Variants in SGCZ observed in about 807,000 individuals in gnomAD.
SGCZ encodes the protein sarcoglycan zeta, also known as zeta-sarcoglycan.
In SGCZ, 40 loss-of-function variants were observed where a neutral mutation model predicts 41.3. That is an observed-to-expected ratio of 0.97 (90% CI 0.75 to 1.26). The LOEUF (loss-of-function observed/expected upper bound fraction) is 1.26, where lower values mean the gene tolerates loss of function less well. SGCZ is among the 50% of genes most tolerant of loss of function. The pLI is 0.00. For missense variants in SGCZ, 552 were observed against 369.8 expected, an observed-to-expected ratio of 1.49 and a Z score of -4.04; for synonymous variants, 206 against 137.5, an observed-to-expected ratio of 1.50 and a Z score of -3.49.
intron 1 of SGCZ, among the ~76,000 whole-genome samples, chr8:14,843,381 C>G (rs964687731): frequency 1.1e-4 from 16 of 151,906 alleles, no homozygotes; most frequent in African/African-American, 3.4e-4. Context: ...CTAGTGAAAT[C>G]AACACAGGCC....
intron 1 of SGCZ, among the ~76,000 whole-genome samples, chr8:15,181,416 A>T (rs187293576): frequency 6.6e-6 from 1 of 152,290 alleles, no homozygotes; most frequent in East Asian, 1.9e-4. Flanking sequence ...ATACCCAAAT[A>T]AAATAGCATG....
At chr8:14,116,367 G>C (rs1421844327) in intron 5 of SGCZ, among the ~76,000 whole-genome samples, 1 of 151,972 alleles carries the variant, frequency 6.6e-6, no homozygotes, top group East Asian at 1.9e-4. Context: ...AGATATCTAA[G>C]AGACTTTAAA....
chr8:14,191,390 C>T (rs1030307187), intron 4 of SGCZ, among the ~76,000 whole-genome samples: 8 of 152,124 alleles, frequency 5.3e-5, no homozygotes, highest in South Asian at 2.1e-4. Flanking sequence ...ATGACACTAT[C>T]CAAAAAATCA....
At chr8:15,052,846 G>T (rs1044438592) in intron 1 of SGCZ, among the ~76,000 whole-genome samples, 5 of 152,012 alleles carry the variant, frequency 3.3e-5, no homozygotes, top group African/African-American at 1.2e-4. Context: ...AAGGATAATG[G>T]CTTCCACTGA....
At chr8:14,769,026 T>TACAC (rs377162129) in intron 1 of SGCZ, among the ~76,000 whole-genome samples, 8 of 151,106 alleles carry the variant, frequency 5.3e-5, no homozygotes, top group South Asian at 2.1e-4. Context: ...CACTCTCTGA[T>TACAC]ACACACACAC....
At position 14,899,264 on chromosome 8, in the gene SGCZ, G is replaced by A. The variant is rs754375663; in HGVS notation, c.39+338321C>T. Among the ~76,000 whole-genome samples, 8 of 151,928 alleles carry A rather than the reference G, an allele frequency of 5.3e-5. No homozygotes were observed. In the East Asian group the frequency reaches 9.6e-4, roughly 18 times the overall value. On this transcript the variant is annotated intron_variant, in intron 1 of 7. Transcript: ENST00000382080. ...ACTTGCAATTTAAGATCTCCTTGCCGGCAATCCCTTCTTCCTTTCTTCCTC... is the reference window on the plus strand; with the variant it reads ...ACTTGCAATTTAAGATCTCCTTGCCAGCAATCCCTTCTTCCTTTCTTCCTC...
chr8:14,510,540 A>C (rs913870129), intron 2 of SGCZ, among the ~76,000 whole-genome samples: 2 of 152,158 alleles, frequency 1.3e-5, no homozygotes, highest in African/African-American at 4.8e-5. Context: ...CAGAGAAAAA[A>C]TGGAAATTAA....
Position 14,547,954 on chromosome 8 carries a change from C to T in SGCZ, c.234+6778G>A, listed in dbSNP as rs576736373. 2.9e-4 allele frequency among the ~76,000 whole-genome samples: 44 copies of T among 152,222 alleles called. No individual in the cohort carries two copies. The South Asian group carries it at 2.9e-3, about 10-fold the overall frequency. Reference sequence around the variant, plus strand: ...TGTCTAGGATTGTTTTATGCTCAACCTTAACAGAAAGAGTAAATTTCATTC... The same window carrying T: ...TGTCTAGGATTGTTTTATGCTCAACTTTAACAGAAAGAGTAAATTTCATTC... On this transcript the variant is annotated intron_variant, in intron 2 of 7. Transcript: ENST00000382080.
intron 1 of SGCZ, among the ~76,000 whole-genome samples, chr8:15,199,978 C>T (rs984046844): frequency 6.6e-6 from 1 of 152,140 alleles, no homozygotes; most frequent in South Asian, 2.1e-4. Context: ...ATGATAGCAC[C>T]TTCAGATTAC....
At chr8:15,236,253 C>T (rs75944454) in intron 1 of SGCZ, among the ~76,000 whole-genome samples, 1 of 152,284 alleles carries the variant, frequency 6.6e-6, no homozygotes, top group African/African-American at 2.4e-5. Context: ...CCTTCCTTCC[C>T]CGTCTATGCA....
chr8:14,191,335 G>A (rs1297569073), intron 4 of SGCZ, among the ~76,000 whole-genome samples: 1 of 151,934 alleles, frequency 6.6e-6, no homozygotes, highest in African/African-American at 2.4e-5. Flanking sequence ...AAAGTTTTTA[G>A]TTTGATACAA....
At chr8:14,402,765 C>A (rs6983685) in intron 2 of SGCZ, among the ~76,000 whole-genome samples, 16 of 146,240 alleles carry the variant, frequency 1.1e-4, no homozygotes, top group South Asian at 4.2e-4. Context: ...TTGACTTGGC[C>A]ATGCGGGCTC....
rs1799247818 is a variant in SGCZ, at chr8:14,407,643, G to A, written c.235-83439C>T. Among the ~76,000 whole-genome samples the A allele has an allele frequency of 2.0e-5, 3 of 152,094 alleles. No individual in the cohort carries two copies. In the South Asian group the frequency reaches 6.2e-4, roughly 32 times the overall value. On this transcript the variant is annotated intron_variant, in intron 2 of 7. Transcript: ENST00000382080. ...TTCATAACTGTTGTATGCTAATCCT[G>A]CTAAATAGGTTGATAAAATATTGTT...
intron 4 of SGCZ, among the ~76,000 whole-genome samples, chr8:14,186,171 G>C (rs1301204978): frequency 6.6e-6 from 1 of 152,160 alleles, no homozygotes; most frequent in African/African-American, 2.4e-5. Context: ...TGAAAGCTTG[G>C]CTAACATGCC....
intron 1 of SGCZ, among the ~76,000 whole-genome samples, chr8:14,948,624 T>C (rs1800532464): frequency 6.6e-6 from 1 of 152,130 alleles, no homozygotes. Context: ...ACTGTTCCTT[T>C]TTAATAAAAG....
At chr8:14,758,218 T>C (rs1165047738) in intron 1 of SGCZ, among the ~76,000 whole-genome samples, 1 of 152,166 alleles carries the variant, frequency 6.6e-6, no homozygotes, top group Admixed American at 6.5e-5. Flanking sequence ...ACAAATCCAG[T>C]GTTGTCGAAT....
At chr8:14,572,250 TC>T (rs1185102352) in intron 1 of SGCZ, among the ~76,000 whole-genome samples, 1 of 152,194 alleles carries the variant, frequency 6.6e-6, no homozygotes, top group African/African-American at 2.4e-5. Context: ...GGCTAACCAT[TC>T]CTTTATAATC....
At chr8:14,092,689 C>A (rs1250196202) in intron 7 of SGCZ, among the ~76,000 whole-genome samples, 1 of 152,074 alleles carries the variant, frequency 6.6e-6, no homozygotes, top group African/African-American at 2.4e-5. Context: ...CTCTCCTTCT[C>A]TCTTGCCTGC....
In SGCZ at chr8:14,089,983, A is replaced by G. The variant is rs1801635959; in HGVS notation, c.*460T>C. The G allele has an allele frequency of 6.5e-6, 1 of 152,818 alleles. No individual in the cohort carries two copies. The highest frequency in any genetic ancestry group is 1.9e-4 in the East Asian group (1 of 5,168). The allele number at this position is 152,818 out of a possible 1,614,324, so 9.5% of individuals were successfully genotyped here. A position where few individuals can be genotyped will look rare whatever the true frequency, so the allele number is the denominator to read the frequency against. On this transcript the variant is annotated 3_prime_UTR_variant, in exon 8 of 8. Transcript: ENST00000382080. Reference sequence around the variant, plus strand: ...TTTAAAATTTTAAAAGTCGGGGATAAAAGTTTACATCCAAAAAGATGAATG... The same window carrying G: ...TTTAAAATTTTAAAAGTCGGGGATAGAAGTTTACATCCAAAAAGATGAATG...
Sources: allele counts gnomAD v4.1 joint callset (sites outside exome capture counted in the v4.1 genomes callset), GRCh38; gene constraint gnomAD v4.1.1; transcripts MANE v1.5; gene names NCBI Gene and HGNC (gene_info 2026-07-23, HGNC 2026-07-21).